The following SF3B2 variants were observed in gnomAD, a reference collection of about 807,000 sequenced individuals.
SF3B2 encodes the protein splicing factor 3b subunit 2, also known as SAP 145.
In SF3B2, 22 loss-of-function variants were observed where a neutral mutation model predicts 116.3. The ratio of observed to expected loss-of-function variants is 0.19; its 90% CI spans 0.14 to 0.27. SF3B2 has a LOEUF of 0.27. SF3B2 is among the 10% of genes least tolerant of loss of function. The pLI, the probability that SF3B2 is intolerant of heterozygous loss-of-function variation, is 1.00. For missense variants in SF3B2, 767 were observed against 1,151.4 expected, an observed-to-expected ratio of 0.67 and a Z score of 4.83; for synonymous variants, 406 against 421.6, an observed-to-expected ratio of 0.96 and a Z score of 0.45.
chr11:66,068,504 G>A (rs1010608107), intron 21 of SF3B2, 170 bp from the exon 22 acceptor site: 8 of 859,208 alleles, frequency 9.3e-6, no homozygotes, highest in Non-Finnish European at 1.4e-5. Context: ...CCCTCTTTAA[G>A]GACGATGAGG....
In SF3B2 at chr11:66,056,897, C is replaced by A. The variant is rs1185310560; in HGVS notation, c.609C>A (p.Val203=). ...AGATTGCCAAGATGGGCACCCCAGT[C>A]CCTCGGCCCCCACAAGACATGGGCC... The part of the protein sequence containing the change: ...QQEIAKMGTP[V]PRPPQDMGQI... The change falls in exon 6 of 22, where the codon GTC becomes GTA. Residue 203 remains valine (V), a synonymous_variant. Transcript: ENST00000322535. 6.2e-7 allele frequency: 1 copy of A among 1,614,140 alleles called. No individual in the cohort carries two copies. Among genetic ancestry groups the A allele is most frequent in the Non-Finnish European group, 8.5e-7 (1 of 1,180,026 alleles).
rs1345560132 is a variant in SF3B2, at chr11:66,059,559, C to G, written c.1365C>G (p.Arg455=). 1 of 1,613,820 alleles carries G rather than the reference C, an allele frequency of 6.2e-7. No homozygotes were observed. The highest frequency in any genetic ancestry group is 1.1e-5 in the South Asian group (1 of 91,088). Residue 455 remains arginine (R), a synonymous_variant, in exon 12 of 22, where the codon CGC becomes CGG. Transcript: ENST00000322535. This position sits in a 1 kb window ranked among gnomAD's most constrained non-coding sequence, Gnocchi z 5.0. ...CCAAGCTGTCCAAGAAGAAGTTGCG[C>G]CGAATGAACCGCTTCACTGTGGCTG... ...EAPKLSKKKL[R]RMNRFTVAEL... is the part of the protein sequence containing the mutation.
rs1333637222 is a variant in SF3B2 at position 66,063,077 on chromosome 11, C to T, written c.2046C>T (p.Leu682=). ...KPPVDETGKP[L]YGDVFGTNAA... is the part of the protein sequence containing the mutation. The stretch of plus-strand genomic sequence containing the variant: ...CAGTGGATGAGACTGGGAAACCGCT[C>T]TATGGGGACGTGTTTGGAACCAATG... The change falls in exon 17 of 22, where the codon CTC becomes CTT. Residue 682 remains leucine, a synonymous_variant. Coordinates refer to ENST00000322535, the MANE Select transcript of SF3B2 (RefSeq NM_006842.3). The T allele has an allele frequency of 3.1e-6, 5 of 1,614,016 alleles. No homozygotes were observed. In the South Asian group the frequency reaches 3.3e-5, roughly 11 times the overall value.
chr11:66,060,311 C>G (rs1004140636), intron 13 of SF3B2, among the ~76,000 whole-genome samples: 3 of 152,200 alleles, frequency 2.0e-5, no homozygotes, highest in African/African-American at 7.2e-5. Flanking sequence ...ATGGGGAAGT[C>G]TCTGCTTTCC....
At chr11:66,058,591 C>G (rs1857044124) in intron 9 of SF3B2, 186 bp downstream of exon 9, 2 of 629,020 alleles carry the variant, frequency 3.2e-6, no homozygotes, top group Non-Finnish European at 5.5e-6. Context: ...CTACATTTTA[C>G]AGCTGAAAAA....
chr11:66,064,407 A>G (rs1009527784), intron 19 of SF3B2, among the ~76,000 whole-genome samples: 2 of 152,178 alleles, frequency 1.3e-5, no homozygotes, highest in African/African-American at 4.8e-5. Context: ...CACTGCTTCC[A>G]GATAGTATTA....
Position 66,052,490 on chromosome 11 carries a change from T to C in SF3B2, c.106T>C (p.Leu36=). Residue 36 remains leucine, a synonymous_variant, in exon 1 of 22, where the codon TTG becomes CTG. Coordinates refer to ENST00000322535, the MANE Select transcript of SF3B2 (RefSeq NM_006842.3). ...AWAAQELQAK[L]AEIGAPIQGN... The stretch of plus-strand genomic sequence containing the variant: ...GGCTGCCCAGGAGCTTCAGGCCAAG[T>C]TGGCAGAGATCGGAGCTCCGATCCA... 2 of 1,613,528 alleles carry C rather than the reference T, an allele frequency of 1.2e-6. No individual in the cohort carries two copies. Among genetic ancestry groups the C allele is most frequent in the Non-Finnish European group, 1.7e-6 (2 of 1,179,726 alleles).
In SF3B2 at chr11:66,069,030, T is replaced by C; in HGVS notation, c.*285T>C. 1 of 434,846 alleles carries C rather than the reference T, an allele frequency of 2.3e-6. No homozygotes were observed. The highest frequency in any genetic ancestry group is 4.1e-5 in the East Asian group (1 of 24,664). The allele number at this position is 434,846 out of a possible 1,614,324, so 26.9% of individuals were successfully genotyped here. A position where few individuals can be genotyped will look rare whatever the true frequency, so the allele number is the denominator to read the frequency against. ...CATAAACTGGGATTAGACGGCGCAT[T>C]TGACTGGTGGTGACGCCAACCCCAG... is the stretch of plus-strand genomic sequence containing the variant. On this transcript the variant is annotated 3_prime_UTR_variant, in exon 22 of 22. Coordinates refer to ENST00000322535, the MANE Select transcript of SF3B2 (RefSeq NM_006842.3).
rs1446111933 is a variant in SF3B2, at chr11:66,056,756, C to CCCGGCT, written c.550-81_550-76dup. 3.8e-6 allele frequency: 4 copies of CCCGGCT among 1,040,204 alleles called. No homozygotes were observed. In the East Asian group the frequency reaches 9.5e-5, roughly 25 times the overall value. The allele number at this position is 1,040,204 out of a possible 1,614,324, so 64.4% of individuals were successfully genotyped here. A position where few individuals can be genotyped will look rare whatever the true frequency, so the allele number is the denominator to read the frequency against. On this transcript the variant is annotated intron_variant, in intron 5 of 21. Transcript: ENST00000322535. ...GTGATTGTTCTCCTTGGGCCCATTA[C>CCCGGCT]CCGGCTGAAAGAATGCATTTGCCAG... is the stretch of plus-strand genomic sequence containing the variant.
intron 16 of SF3B2, 144 bp downstream of exon 16, chr11:66,062,142 A>C: frequency 1.5e-6 from 1 of 650,620 alleles, no homozygotes; most frequent in Non-Finnish European, 2.6e-6. Context: ...GTCATATACC[A>C]TGTGTATGTG....
chr11:66,058,475 G>C, intron 9 of SF3B2, 70 bp downstream of exon 9: 1 of 1,236,246 alleles, frequency 8.1e-7, no homozygotes, highest in South Asian at 1.2e-5. Flanking sequence ...AACACAATTT[G>C]TAAGTGTTCA....
intron 14 of SF3B2, 44 bp downstream of exon 14, chr11:66,060,775 G>T: frequency 6.3e-7 from 1 of 1,596,950 alleles, no homozygotes; most frequent in Non-Finnish European, 8.6e-7. Flanking sequence ...CCTTGGGGTT[G>T]AGACTGTCTA....
In SF3B2 at chr11:66,061,656, A is replaced by G. The variant is rs543230332; in HGVS notation, c.1780-30A>G. 261 of 1,557,194 alleles carry G rather than the reference A, an allele frequency of 1.7e-4. 1 individual carries two copies. The South Asian group carries it at 2.7e-3, about 16-fold the overall frequency. ...GTGCTCCCACTGAGTGTCTGGGTCT[A>G]CAATGTAGCATGCTCTGCTTTTCCC... On this transcript the variant is annotated intron_variant, in intron 14 of 21. Coordinates refer to ENST00000322535, the MANE Select transcript of SF3B2 (RefSeq NM_006842.3).
chr11:66,059,791 C>A lies in SF3B2; in HGVS notation c.1411C>A (p.Arg471=). 6.2e-7 allele frequency: 1 copy of A among 1,614,188 alleles called. No individual in the cohort carries two copies. The highest frequency in any genetic ancestry group is 8.5e-7 in the Non-Finnish European group (1 of 1,180,030). Residue 471 remains arginine, a synonymous_variant, in exon 13 of 22, where the codon CGG becomes AGG. Coordinates refer to ENST00000322535, the MANE Select transcript of SF3B2 (RefSeq NM_006842.3). This position sits in a 1 kb window ranked among gnomAD's most constrained non-coding sequence, Gnocchi z 5.0. ...TVAELKQLVA[R]PDVVEMHDVT... ...ACTATGTGTTTTCCAGCTGGTGGCT[C>A]GGCCCGATGTCGTGGAGATGCACGA... is the stretch of plus-strand genomic sequence containing the variant.
intron 2 of SF3B2, 21 bp downstream of exon 2, chr11:66,052,740 G>T: frequency 6.4e-7 from 1 of 1,551,794 alleles, no homozygotes; most frequent in Non-Finnish European, 8.7e-7. Flanking sequence ...GCGGCGGGAC[G>T]TCAGGATAGG....
At position 66,053,111 on chromosome 11, in the gene SF3B2, A is replaced by C; in HGVS notation, c.258+7A>C. 1 of 1,612,890 alleles carries C rather than the reference A, an allele frequency of 6.2e-7. No homozygotes were observed. Among genetic ancestry groups the C allele is most frequent in the East Asian group, 2.2e-5 (1 of 44,860 alleles). ...ACCTCCCATGTCGGCACAGGTAGGGAGATTCTTCTGTTTTTTAAGATTCCA... is the reference window on the plus strand; with the variant it reads ...ACCTCCCATGTCGGCACAGGTAGGGCGATTCTTCTGTTTTTTAAGATTCCA... On this transcript the variant is annotated splice_region_variant and intron_variant, in intron 3 of 21. Coordinates refer to ENST00000322535, the MANE Select transcript of SF3B2 (RefSeq NM_006842.3).
intron 13 of SF3B2, 115 bp from the exon 14 acceptor site, chr11:66,060,467 C>G (rs1857082592): frequency 7.9e-7 from 1 of 1,271,074 alleles, no homozygotes; most frequent in Non-Finnish European, 1.1e-6. Context: ...ATTTTGATGA[C>G]TTTCAGGGTG....
intron 14 of SF3B2, 40 bp from the exon 15 acceptor site, chr11:66,061,646 G>A (rs1224980841): frequency 1.4e-6 from 2 of 1,471,976 alleles, no homozygotes; most frequent in Non-Finnish European, 1.9e-6. Context: ...CCCACTGAGT[G>A]TCTGGGTCTA....
rs1332502438 is a variant in SF3B2 at position 66,068,274 on chromosome 11, G to T, written c.2557G>T (p.Ala853Ser). The stretch of plus-strand genomic sequence containing the variant: ...TGAGGAGCATGTGCGGGAGCAGCAG[G>T]CTCAAGTAGAGAAGGAGGACTTCAG... Reference protein sequence around the residue: ...KYEEHVREQQAQVEKEDFSDM... With the variant: ...KYEEHVREQQSQVEKEDFSDM... Residue 853 changes from alanine to serine, a missense_variant, in exon 21 of 22, where the codon GCT becomes TCT. Physicochemically the swap from Ala to Ser is moderately conservative, Grantham distance 99. Around this residue, in one of 4 missense-constraint regions of SF3B2, gnomAD observed 282 missense variants for 568.0 expected, o/e 0.50. Coordinates refer to ENST00000322535, the MANE Select transcript of SF3B2 (RefSeq NM_006842.3). The T allele has an allele frequency of 6.2e-7, 1 of 1,613,940 alleles. No homozygotes were observed. The highest frequency in any genetic ancestry group is 1.7e-5 in the Admixed American group (1 of 60,018).
Sources: allele counts gnomAD v4.1 joint callset (sites outside exome capture counted in the v4.1 genomes callset), GRCh38; gene constraint gnomAD v4.1.1; regional missense constraint gnomAD v4.1.1; non-coding constraint Gnocchi (gnomAD v3.1); transcripts MANE v1.5; gene names NCBI Gene and HGNC (gene_info 2026-07-23, HGNC 2026-07-21).